The following UNC13A variants were observed in gnomAD, a reference collection of about 807,000 sequenced individuals.
UNC13A encodes unc-13 homolog A.
A neutral mutation model predicts 219.7 loss-of-function variants in UNC13A; 61 were observed. That is an observed-to-expected ratio of 0.28 (90% CI 0.23 to 0.34). The LOEUF (loss-of-function observed/expected upper bound fraction) is 0.34. Among genes scored for constraint, UNC13A ranks in the 10% least tolerant of loss-of-function variants. UNC13A has a pLI of 1.00. For missense variants in UNC13A, 1,476 were observed against 2,270.3 expected, an observed-to-expected ratio of 0.65 and a Z score of 7.11; for synonymous variants, 920 against 884.6, an observed-to-expected ratio of 1.04 and a Z score of -0.71.
Position 17,641,425 on chromosome 19 carries a change from G to A in UNC13A, c.2604C>T (p.Arg868=), listed in dbSNP as rs1179589973. The change falls in exon 21 of 44, where the codon CGC becomes CGT. Residue 868 remains arginine (R), a synonymous_variant. Transcript: ENST00000519716. ...CTTGGTAGATGGACTCGACGCCGTA[G>A]CGCATGGCAAACTCGTCCACAATCT... ...AQEIVDEFAM[R]YGVESIYQAM... 2 of 1,614,132 alleles carry A rather than the reference G, an allele frequency of 1.2e-6. No homozygotes were observed. The highest frequency in any genetic ancestry group is 2.2e-5 in the South Asian group (2 of 91,080).
rs1468019030 is a variant in UNC13A, at chr19:17,611,865, G to T, written c.4559-10C>A. On this transcript the variant is annotated splice_polypyrimidine_tract_variant and intron_variant, in intron 41 of 43. Transcript: ENST00000519716. Reference sequence around the variant, plus strand: ...TCTTCTACACCCAAGCCTGGGCAGGGCAGGGGAGGATGGTCAGCGTGAGCT... The same window carrying T: ...TCTTCTACACCCAAGCCTGGGCAGGTCAGGGGAGGATGGTCAGCGTGAGCT... 6.2e-7 allele frequency: 1 copy of T among 1,612,742 alleles called. No individual in the cohort carries two copies. The highest frequency in any genetic ancestry group is 1.7e-5 in the Admixed American group (1 of 59,996).
chr19:17,656,292 T>A lies in UNC13A; in HGVS notation c.874A>T (p.Met292Leu), dbSNP rs904677625. 1.3e-6 allele frequency: 2 copies of A among 1,552,922 alleles called. No homozygotes were observed. The highest frequency in any genetic ancestry group is 1.7e-6 in the Non-Finnish European group (2 of 1,147,978). The change falls in exon 10 of 44, where the codon ATG (methionine) becomes TTG (leucine). Residue 292 changes from methionine to leucine, a missense_variant. By Grantham distance (15) the Met-to-Leu change is conservative. Around this residue, in one of 14 missense-constraint regions of UNC13A, gnomAD observed 351 missense variants for 342.6 expected, o/e 1.02. Coordinates refer to ENST00000519716, the MANE Select transcript of UNC13A (RefSeq NM_001080421.3). ...PDEHSLQGSD[M>L]EDERDRDSYH... The stretch of plus-strand genomic sequence containing the variant: ...GAGTCCCGGTCCCGCTCATCCTCCA[T>A]GTCGGAGCCCTGCAGGCTGTGCTCG...
intron 20 of UNC13A, 45 bp from the exon 21 acceptor site, chr19:17,641,601 G>T (rs73026374): frequency 2.5e-6 from 4 of 1,594,442 alleles, no homozygotes; most frequent in Middle Eastern, 1.7e-4. Flanking sequence ...GCAAGGGGTC[G>T]CCGGGGGTCA....
chr19:17,645,506 C>G (rs543114763), intron 19 of UNC13A, among the ~76,000 whole-genome samples, 168 bp downstream of exon 19: 4 of 152,052 alleles, frequency 2.6e-5, no homozygotes, highest in Admixed American at 1.3e-4. Context: ...GGCCTGGGTG[C>G]TTCCTGCTCC....
chr19:17,647,446 C>T lies in UNC13A; in HGVS notation c.1863G>A (p.Gln621=). 3.1e-6 allele frequency: 5 copies of T among 1,613,638 alleles called. No homozygotes were observed. Among genetic ancestry groups the T allele is most frequent in the Non-Finnish European group, 4.2e-6 (5 of 1,179,826 alleles). The change falls in exon 17 of 44, where the codon CAG becomes CAA. Residue 621 remains glutamine (Q), a synonymous_variant. Transcript: ENST00000519716. ...SSKHGAEDRT[Q]NIIMVLKDRM... ...GGTCCTTGAGCACCATGATGATGTT[C>T]TGTGTCCGGTCCTCCGCCCCGTGCT...
At chr19:17,615,342 A>G (rs2076651553) in intron 41 of UNC13A, among the ~76,000 whole-genome samples, 2 of 152,086 alleles carry the variant, frequency 1.3e-5, no homozygotes, top group Admixed American at 1.3e-4. Flanking sequence ...AGATTTCGCC[A>G]TTGCACTCCA....
At position 17,606,285 on chromosome 19, in the gene UNC13A, C is replaced by G. The variant is rs761973722; in HGVS notation, c.4881G>C (p.Ala1627=). The G allele has an allele frequency of 7.1e-6, 11 of 1,548,712 alleles. No individual in the cohort carries two copies. The African/African-American group carries it at 1.2e-4, about 17-fold the overall frequency. The change falls in exon 44 of 44, where the codon GCG becomes GCC. Residue 1627 remains alanine (A), a synonymous_variant. Coordinates refer to ENST00000519716, the MANE Select transcript of UNC13A (RefSeq NM_001080421.3). ...CCAGCCCCACCGTGCGGTCCTCGCG[C>G]GCGAAGCAGTAGTCCTTGACGCACA... The part of the protein sequence containing the change: ...LQVCVKDYCF[A]REDRTVGLAV...
chr19:17,682,741 A>G (rs2080041848), intron 1 of UNC13A, among the ~76,000 whole-genome samples: 2 of 152,120 alleles, frequency 1.3e-5, no homozygotes, highest in South Asian at 4.1e-4. Context: ...AGATTGTGAC[A>G]TGTCTGTTTA....
chr19:17,667,776 ATTT>A lies in UNC13A; in HGVS notation c.468+338_468+340del, dbSNP rs34197880. ...AGGTGTGAGCCACTAAGCCTGGCTAATTTTTTTTTTTTTTTTTTTTTTTTAGTA... is the reference window on the plus strand; with the variant it reads ...AGGTGTGAGCCACTAAGCCTGGCTAATTTTTTTTTTTTTTTTTTTTTAGTA... On this transcript the variant is annotated intron_variant, in intron 6 of 43. Coordinates refer to ENST00000519716, the MANE Select transcript of UNC13A (RefSeq NM_001080421.3). 5.5e-3 allele frequency among the ~76,000 whole-genome samples: 599 copies of A among 108,006 alleles called. 5 individuals carry two copies. Among genetic ancestry groups the A allele is most frequent in the African/African-American group, 0.02 (510 of 25,630 alleles). The allele number at this position is 108,006 out of a possible 152,430, so 70.9% of individuals were successfully genotyped here. A position where few individuals can be genotyped will look rare whatever the true frequency, so the allele number is the denominator to read the frequency against.
rs2076473022 is a variant in UNC13A at position 17,602,284 on chromosome 19, T to A, written c.*3770A>T. On this transcript the variant is annotated 3_prime_UTR_variant, in exon 44 of 44. Transcript: ENST00000519716. The stretch of plus-strand genomic sequence containing the variant: ...CTTGGTCTCTGCATTTATCTTTCTC[T>A]GTATATTTCCACCTCTATGTCTCTC... 1 of 152,720 alleles carries A rather than the reference T, an allele frequency of 6.5e-6. No individual in the cohort carries two copies. Among genetic ancestry groups the A allele is most frequent in the Admixed American group, 6.5e-5 (1 of 15,278 alleles). The allele number at this position is 152,720 out of a possible 1,614,324, so 9.5% of individuals were successfully genotyped here.
In UNC13A at chr19:17,602,100, G is replaced by T. The variant is rs1245043802; in HGVS notation, c.*3954C>A. 6.6e-6 allele frequency: 1 copy of T among 152,506 alleles called. No homozygotes were observed. Among genetic ancestry groups the T allele is most frequent in the Non-Finnish European group, 1.5e-5 (1 of 68,058 alleles). 9.4% of individuals were successfully genotyped at this position (152,506 alleles called of 1,614,324 possible). ...TTTAGTTTTTTGCATCTCTGATGGG[G>T]GCATGGTGAGGTCTCAGGCTCTGGG... On this transcript the variant is annotated 3_prime_UTR_variant, in exon 44 of 44. Coordinates refer to ENST00000519716, the MANE Select transcript of UNC13A (RefSeq NM_001080421.3).
chr19:17,656,113 C>T lies in UNC13A; in HGVS notation c.1053G>A (p.Val351=). 6.4e-7 allele frequency: 1 copy of T among 1,552,576 alleles called. No individual in the cohort carries two copies. Among genetic ancestry groups the T allele is most frequent in the Non-Finnish European group, 8.7e-7 (1 of 1,147,306 alleles). The change falls in exon 10 of 44, where the codon GTG becomes GTA. Residue 351 remains valine (V), a synonymous_variant. Transcript: ENST00000519716. ...GGGCATAGCTGCCCAAATCGTCAGG[C>T]ACCTCCTCCTCCTCCTCCTCCAGCT... ...EEELEEEEEE[V]PDDLGSYAQR... is the part of the protein sequence containing the mutation.
intron 41 of UNC13A, chr19:17,616,365 G>C (rs759103686): frequency 2.6e-5 from 18 of 688,080 alleles, no homozygotes; most frequent in Middle Eastern, 2.4e-4. Context: ...CGCAGGCACC[G>C]GGCACCAGGC....
At position 17,618,462 on chromosome 19, in the gene UNC13A, T is replaced by C; in HGVS notation, c.4369A>G (p.Lys1457Glu). 6.3e-7 allele frequency: 1 copy of C among 1,593,482 alleles called. No individual in the cohort carries two copies. Among genetic ancestry groups the C allele is most frequent in the Non-Finnish European group, 8.5e-7 (1 of 1,169,880 alleles). ...GCCAACTCAACAACCGCGCACTGCT[T>C]TGGGGTCAAGCTCTTGGCTTCTTCT... ...VREEAKSLTP[K>E]QCAVVELALD... is the part of the protein sequence containing the mutation. Residue 1457 changes from lysine (K) to glutamate (E), a missense_variant, in exon 40 of 44, where the codon AAG (lysine) becomes GAG (glutamate). Around this residue, in one of 14 missense-constraint regions of UNC13A, gnomAD observed 75 missense variants for 100.2 expected, o/e 0.75. Coordinates refer to ENST00000519716, the MANE Select transcript of UNC13A (RefSeq NM_001080421.3).
chr19:17,621,491 G>A (rs779118523), intron 37 of UNC13A, among the ~76,000 whole-genome samples: 26 of 152,066 alleles, frequency 1.7e-4, no homozygotes, highest in Non-Finnish European at 2.8e-4. Flanking sequence ...AAAACAACAC[G>A]TCTCAGTCCA....
chr19:17,668,203 C>T lies in UNC13A; in HGVS notation c.395-13G>A, dbSNP rs1159436083. 3 of 1,611,938 alleles carry T rather than the reference C, an allele frequency of 1.9e-6. No homozygotes were observed. The African/African-American group carries it at 4.0e-5, about 22-fold the overall frequency. On this transcript the variant is annotated splice_polypyrimidine_tract_variant and intron_variant, in intron 5 of 43. Coordinates refer to ENST00000519716, the MANE Select transcript of UNC13A (RefSeq NM_001080421.3). ...TCTTCAGGAATGTCTGCAAGCAGAG[C>T]CCTGTCTGTGAGCCTGGAAGACCCT...
rs1426661936 is a variant in UNC13A at position 17,688,174 on chromosome 19, C to T, written c.22+4G>A. ...GTCCCCCGACCCCCAGCCTCGCCTCCTACCTCCAACGCAAAGCAGAGACAT... is the reference window on the plus strand; with the variant it reads ...GTCCCCCGACCCCCAGCCTCGCCTCTTACCTCCAACGCAAAGCAGAGACAT... On this transcript the variant is annotated splice_donor_region_variant and intron_variant, in intron 1 of 43. Transcript: ENST00000519716. The T allele has an allele frequency of 6.5e-7, 1 of 1,529,424 alleles. No homozygotes were observed. The highest frequency in any genetic ancestry group is 2.0e-5 in the Admixed American group (1 of 49,412). The allele number at this position is 1,529,424 out of a possible 1,614,324, so 94.7% of individuals were successfully genotyped here.
In UNC13A at chr19:17,640,546, A is replaced by T; in HGVS notation, c.2752T>A (p.Ser918Thr). 1 of 1,554,580 alleles carries T rather than the reference A, an allele frequency of 6.4e-7. No homozygotes were observed. Among genetic ancestry groups the T allele is most frequent in the Non-Finnish European group, 8.7e-7 (1 of 1,149,702 alleles). Residue 918 changes from serine to threonine, a missense_variant, in exon 22 of 44, where the codon TCT becomes ACT. Physicochemically the swap from Ser to Thr is moderately conservative, Grantham distance 58 (BLOSUM62 1). Coordinates refer to ENST00000519716, the MANE Select transcript of UNC13A (RefSeq NM_001080421.3). The part of the protein sequence containing the change: ...YAHTTASTNV[S>T]ASDRFAASNF... The stretch of plus-strand genomic sequence containing the variant: ...GAGGCGGCGAAGCGGTCGGAGGCAG[A>T]CACGTTGGTGGAGGCGGTGGTGTGT...
At chr19:17,620,105 G>A (rs1205408051) in intron 38 of UNC13A, among the ~76,000 whole-genome samples, 1 of 152,164 alleles carries the variant, frequency 6.6e-6, no homozygotes, top group Non-Finnish European at 1.5e-5. Flanking sequence ...ATGGCCCCAG[G>A]CTTGTCCCTG....
Sources: gnomAD v4.1 joint callset for allele counts (sites outside exome capture counted in the v4.1 genomes callset) on GRCh38, gnomAD v4.1.1 for gene constraint, gnomAD v4.1.1 regional missense constraint, MANE v1.5 for transcripts, NCBI Gene and HGNC (gene_info 2026-07-23, HGNC 2026-07-21) for gene names.